The following LOXHD1 variants were observed in gnomAD, a reference collection of about 807,000 sequenced individuals.
LOXHD1 encodes the protein lipoxygenase homology PLAT domains 1.
In LOXHD1, 205 loss-of-function variants were observed where a neutral mutation model predicts 248.2. The ratio of observed to expected loss-of-function variants is 0.83; its 90% CI spans 0.74 to 0.93. The LOEUF is 0.93. Ranked by LOEUF, LOXHD1 falls within the 40% of genes least tolerant of loss-of-function variation. The probability of loss-of-function intolerance (pLI) is 0.00; values close to 1 mark genes in which losing one functional copy is unlikely to be tolerated. For missense variants in LOXHD1, 2,930 were observed against 2,971.6 expected (o/e 0.99, Z 0.33); for synonymous variants, 1,113 against 1,162.8 (o/e 0.96, Z 0.87).
chr18:46,501,785 T>G (rs1414576153), intron 37 of LOXHD1, among the ~76,000 whole-genome samples: 1 of 152,184 alleles, frequency 6.6e-6, no homozygotes, highest in Non-Finnish European at 1.5e-5. Flanking sequence ...CTGTAATTGA[T>G]TTGTTAACAG....
chr18:46,612,641 G>T (rs2038525409), intron 5 of LOXHD1, among the ~76,000 whole-genome samples: 1 of 151,558 alleles, frequency 6.6e-6, no homozygotes, highest in East Asian at 1.9e-4. Flanking sequence ...TTCCTTTGTT[G>T]CTTATGCTTT....
intron 37 of LOXHD1, among the ~76,000 whole-genome samples, chr18:46,495,537 T>C (rs1362911805): frequency 1.3e-5 from 2 of 152,218 alleles, no homozygotes; most frequent in Admixed American, 1.3e-4. Flanking sequence ...TGGCAGTCCC[T>C]GTATCCACTA....
intron 21 of LOXHD1, among the ~76,000 whole-genome samples, chr18:46,547,419 T>G (rs370775468): frequency 1.9e-3 from 296 of 152,286 alleles, no homozygotes; most frequent in African/African-American, 6.9e-3. Flanking sequence ...AGGGCTACTT[T>G]AGTAGAGAGG....
At chr18:46,560,052 T>TACCCCCCCC in intron 19 of LOXHD1, 31 bp downstream of exon 19, 4 of 441,128 alleles carry the variant, frequency 9.1e-6, no homozygotes, top group South Asian at 2.8e-5. Context: ...GGCCACTCCC[T>TACCCCCCCC]CCCCACCCCC....
chr18:46,524,597 T>A lies in LOXHD1; in HGVS notation c.4745A>T (p.Tyr1582Phe), dbSNP rs2035736307. 1 of 1,551,590 alleles carries A rather than the reference T, an allele frequency of 6.4e-7. No homozygotes were observed. Among genetic ancestry groups the A allele is most frequent in the Non-Finnish European group, 8.7e-7 (1 of 1,147,004 alleles). ...GCAGTTGCTGCTGCGGTCCCCAGTG[T>A]ACTCCTGTGTGGGAGAGCAGGACTG... ...RLERLFYEKE[Y>F]TGDRSSNCSS... Residue 1582 changes from tyrosine (Y) to phenylalanine (F), a missense_variant, in exon 31 of 41, where the codon TAC becomes TTC. Tyr to Phe is a conservative substitution (Grantham distance 22). Coordinates refer to ENST00000642948, the MANE Select transcript of LOXHD1 (RefSeq NM_001384474.1).
chr18:46,612,351 G>A (rs908441398), intron 5 of LOXHD1, among the ~76,000 whole-genome samples: 6 of 152,134 alleles, frequency 3.9e-5, no homozygotes, highest in African/African-American at 1.4e-4. Context: ...ACCACCAGTA[G>A]TATATGAAGA....
chr18:46,577,822 GC>G lies in LOXHD1; in HGVS notation c.1854del (p.Arg618SerfsTer3). The G allele has an allele frequency of 6.4e-7, 1 of 1,551,532 alleles. No individual in the cohort carries two copies. Among genetic ancestry groups the G allele is most frequent in the Non-Finnish European group, 8.7e-7 (1 of 1,146,996 alleles). Reference protein sequence around the residue: ...TIESVTMRNVRRVRIRHDGKG... With the variant: ...TIESVTMRNVXRVRIRHDGKG... Reference sequence around the variant, plus strand: ...TTGCCATCGTGTCTGATCCTCACCCGCCTCACATTCCGCATGGTGACAGACT... The same window carrying G: ...TTGCCATCGTGTCTGATCCTCACCCGCTCACATTCCGCATGGTGACAGACT... On this transcript the variant is annotated frameshift_variant, in exon 14 of 41. Coordinates refer to ENST00000642948, the MANE Select transcript of LOXHD1 (RefSeq NM_001384474.1). LOFTEE classifies it high-confidence loss of function.
intron 8 of LOXHD1, among the ~76,000 whole-genome samples, chr18:46,599,799 T>TA (rs1249602140): frequency 6.6e-6 from 1 of 151,830 alleles, no homozygotes; most frequent in East Asian, 1.9e-4. Context: ...GAATGGCCAA[T>TA]AAAAAAATAA....
At chr18:46,609,716 T>C (rs2038476016) in intron 6 of LOXHD1, among the ~76,000 whole-genome samples, 1 of 152,212 alleles carries the variant, frequency 6.6e-6, no homozygotes, top group South Asian at 2.1e-4. Flanking sequence ...TGACTTCCCC[T>C]TACTGTTCTC....
chr18:46,540,629 A>G (rs2036516431), intron 25 of LOXHD1, among the ~76,000 whole-genome samples: 1 of 151,166 alleles, frequency 6.6e-6, no homozygotes, highest in Admixed American at 6.6e-5. Context: ...AACATATTCA[A>G]AGTCAAACCA....
chr18:46,569,563 A>G lies in LOXHD1; in HGVS notation c.2123T>C (p.Leu708Pro). Residue 708 changes from leucine (L) to proline (P), a missense_variant, in exon 16 of 41, where the codon CTC (leucine) becomes CCC (proline). Physicochemically the swap from Leu to Pro is moderately conservative, Grantham distance 98. Coordinates refer to ENST00000642948, the MANE Select transcript of LOXHD1 (RefSeq NM_001384474.1). ...GATGGTGTCAGATTTATCCCCATAG[A>G]GCTTGATGTAGACTCTAGAATCCGT... The part of the protein sequence containing the change: ...ASTDSRVYIK[L>P]YGDKSDTIKQ... 9 of 1,551,740 alleles carry G rather than the reference A, an allele frequency of 5.8e-6. No homozygotes were observed. Among genetic ancestry groups the G allele is most frequent in the Non-Finnish European group, 7.8e-6 (9 of 1,147,002 alleles).
chr18:46,627,996 A>G (rs1343375776), intron 4 of LOXHD1, among the ~76,000 whole-genome samples: 1 of 152,238 alleles, frequency 6.6e-6, no homozygotes, highest in Non-Finnish European at 1.5e-5. Flanking sequence ...TCTGGTGCAT[A>G]GAAGGCTCCC....
intron 20 of LOXHD1, 181 bp downstream of exon 20, chr18:46,559,265 TTC>T: frequency 1.3e-6 from 2 of 1,527,286 alleles, no homozygotes; most frequent in Non-Finnish European, 1.8e-6. Flanking sequence ...CTGCCTGCAA[TTC>T]TCTCATAACC....
rs1598948239 is a variant in LOXHD1 at position 46,538,343 on chromosome 18, G to A, written c.3914-6C>T. ...GGTGATCTCGTAAGGAACAACTGAG[G>A]GTGGTGGTCAGAGGGCAAAGCCAGA... On this transcript the variant is annotated splice_polypyrimidine_tract_variant and splice_region_variant and intron_variant, in intron 25 of 40. Coordinates refer to ENST00000642948, the MANE Select transcript of LOXHD1 (RefSeq NM_001384474.1). The A allele has an allele frequency of 6.5e-7, 1 of 1,543,170 alleles. No individual in the cohort carries two copies.
chr18:46,540,733 T>A (rs1417397050), intron 25 of LOXHD1, among the ~76,000 whole-genome samples: 1 of 130,028 alleles, frequency 7.7e-6, no homozygotes, highest in African/African-American at 2.8e-5. Flanking sequence ...TCCTCAAGGG[T>A]CCCACCCAGT....
At chr18:46,551,951 C>A (rs532506661) in intron 21 of LOXHD1, among the ~76,000 whole-genome samples, 3 of 152,266 alleles carry the variant, frequency 2.0e-5, no homozygotes, top group South Asian at 4.1e-4. Context: ...AAGCTAGACA[C>A]AAAAAGACAA....
chr18:46,597,330 A>C (rs2038271595), intron 8 of LOXHD1, among the ~76,000 whole-genome samples: 1 of 152,206 alleles, frequency 6.6e-6, no homozygotes, highest in African/African-American at 2.4e-5. Flanking sequence ...AGCAGAACAG[A>C]TATATCAGTA....
At chr18:46,647,958 A>G (rs1316070022) in intron 2 of LOXHD1, among the ~76,000 whole-genome samples, 1 of 152,204 alleles carries the variant, frequency 6.6e-6, no homozygotes, top group Non-Finnish European at 1.5e-5. Flanking sequence ...GTCTACATCA[A>G]TAATGTGAGG....
In LOXHD1 at chr18:46,477,368, C is replaced by T. The variant is rs2032085597; in HGVS notation, c.*104G>A. ...TGAAGTTCTCAGTGGACTGCTAGCC[C>T]CCAGTGCCAATGCTAGAGGCTTTGA... On this transcript the variant is annotated 3_prime_UTR_variant, in exon 41 of 41. Coordinates refer to ENST00000642948, the MANE Select transcript of LOXHD1 (RefSeq NM_001384474.1). 2 of 1,475,266 alleles carry T rather than the reference C, an allele frequency of 1.4e-6. No individual in the cohort carries two copies. Among genetic ancestry groups the T allele is most frequent in the South Asian group, 2.5e-5 (2 of 79,474 alleles). 91.4% of individuals were successfully genotyped at this position (1,475,266 alleles called of 1,614,324 possible).
Sources: gnomAD v4.1 joint callset for allele counts (sites outside exome capture counted in the v4.1 genomes callset) on GRCh38, gnomAD v4.1.1 for gene constraint, MANE v1.5 for transcripts, NCBI Gene and HGNC (gene_info 2026-07-23, HGNC 2026-07-21) for gene names.